Variants in GFPT1 observed in about 807,000 individuals in gnomAD.
GFPT1 encodes glutamine--fructose-6-phosphate transaminase 1, also known as glutamine--fructose-6-phosphate aminotransferase [isomerizing] 1.
Under a neutral mutation model 92.0 loss-of-function variants are expected in GFPT1, and 40 were observed. The ratio of observed to expected loss-of-function variants is 0.43; its 90% confidence interval spans 0.34 to 0.57. GFPT1 has a LOEUF of 0.57. Among genes scored for constraint, GFPT1 ranks in the 20% least tolerant of loss-of-function variants. GFPT1 has a pLI of 0.02. For synonymous variants in GFPT1, 269 were observed against 280.6 expected (o/e 0.96, Z 0.41); for missense variants, 448 against 869.1 (o/e 0.52, Z 6.09).
At chr2:69,347,017 C>T (rs946150891) in intron 11 of GFPT1, among the ~76,000 whole-genome samples, 11 of 152,134 alleles carry the variant, frequency 7.2e-5, no homozygotes, top group Non-Finnish European at 1.2e-4. Flanking sequence ...TCAAGTGATT[C>T]TCCCACCTCA....
At chr2:69,344,980 C>T (rs915899744) in intron 12 of GFPT1, among the ~76,000 whole-genome samples, 41 of 152,094 alleles carry the variant, frequency 2.7e-4, no homozygotes, top group Non-Finnish European at 7.4e-5. Flanking sequence ...GTCTCATTTT[C>T]TTCCCTTATA....
rs758339541 is a variant in GFPT1 at position 69,326,247 on chromosome 2, A to T, written c.2056-14T>A. 2 of 1,582,114 alleles carry T rather than the reference A, an allele frequency of 1.3e-6. No individual in the cohort carries two copies. Among genetic ancestry groups the T allele is most frequent in the Non-Finnish European group, 1.7e-6 (2 of 1,158,376 alleles). On this transcript the variant is annotated splice_polypyrimidine_tract_variant and intron_variant, in intron 19 of 19. Transcript: ENST00000357308. ...TGGGAAATCAACCTGCAAAAAGAAA[A>T]AAAAAAAAAGCAAGATTTGAGAGAT...
intron 3 of GFPT1, among the ~76,000 whole-genome samples, chr2:69,365,330 G>A (rs1447837253): frequency 6.6e-6 from 1 of 152,020 alleles, no homozygotes; most frequent in East Asian, 1.9e-4. Flanking sequence ...AAATTAGCTG[G>A]GCGTGGTAGC....
chr2:69,386,819 G>T (rs1479434447), intron 1 of GFPT1, among the ~76,000 whole-genome samples: 1 of 152,052 alleles, frequency 6.6e-6, no homozygotes, highest in Non-Finnish European at 1.5e-5. Context: ...GCGCCAAGGC[G>T]CCCGCTAGCC....
rs2104593681 is a variant in GFPT1, at chr2:69,326,035, T to C, written c.*154A>G. 1 of 593,860 alleles carries C rather than the reference T, an allele frequency of 1.7e-6. No individual in the cohort carries two copies. Among genetic ancestry groups the C allele is most frequent in the East Asian group, 2.8e-5 (1 of 35,466 alleles). The allele number at this position is 593,860 out of a possible 1,614,324, so 36.8% of individuals were successfully genotyped here. On this transcript the variant is annotated 3_prime_UTR_variant, in exon 20 of 20. Transcript: ENST00000357308. Reference sequence around the variant, plus strand: ...AATGTAAGAGGTAACTTCACAAAAATCACATATTGAGTGGAATAATTATAA... The same window carrying C: ...AATGTAAGAGGTAACTTCACAAAAACCACATATTGAGTGGAATAATTATAA...
In GFPT1 at chr2:69,348,444, G is replaced by A. The variant is rs1038655898; in HGVS notation, c.846-110C>T. The A allele has an allele frequency of 1.5e-5, 13 of 894,860 alleles. No individual in the cohort carries two copies. In the East Asian group the frequency reaches 2.9e-4, roughly 20 times the overall value. 55.4% of individuals were successfully genotyped at this position (894,860 alleles called of 1,614,324 possible). ...ATTTCAATATAAACTCTATCACTCT[G>A]CAGTATCTCAGAGAATTTTCTGGTT... On this transcript the variant is annotated intron_variant, in intron 10 of 19. Coordinates refer to ENST00000357308, the MANE Select transcript of GFPT1 (RefSeq NM_001244710.2).
chr2:69,342,053 T>C, intron 13 of GFPT1, 99 bp downstream of exon 13: 3 of 672,920 alleles, frequency 4.5e-6, no homozygotes, highest in East Asian at 2.6e-5. Context: ...GATAACACAT[T>C]AACAAAACAT....
chr2:69,386,822 C>A (rs1293431372), intron 1 of GFPT1, among the ~76,000 whole-genome samples: 2 of 152,172 alleles, frequency 1.3e-5, no homozygotes, highest in Non-Finnish European at 2.9e-5. Context: ...CCAAGGCGCC[C>A]GCTAGCCCCC....
At chr2:69,335,008 T>C (rs1158148772) in intron 15 of GFPT1, among the ~76,000 whole-genome samples, 1 of 151,928 alleles carries the variant, frequency 6.6e-6, no homozygotes, top group Non-Finnish European at 1.5e-5. Flanking sequence ...TAATGTAAAA[T>C]TTTTATTTTT....
chr2:69,359,869 T>C (rs775208516), intron 4 of GFPT1, among the ~76,000 whole-genome samples: 6 of 152,188 alleles, frequency 3.9e-5, no homozygotes, highest in Non-Finnish European at 8.8e-5. Context: ...GAGATCCAAA[T>C]AAGTCATAGA....
chr2:69,354,447 T>G, intron 8 of GFPT1, 42 bp downstream of exon 8: 1 of 1,340,142 alleles, frequency 7.5e-7, no homozygotes, highest in Non-Finnish European at 1.1e-6. Flanking sequence ...AGGAAAATAA[T>G]TCTTCATATC....
At chr2:69,369,757 C>A (rs575216192) in intron 3 of GFPT1, among the ~76,000 whole-genome samples, 1 of 152,330 alleles carries the variant, frequency 6.6e-6, no homozygotes, top group Non-Finnish European at 1.5e-5. Context: ...AGAGCTTACA[C>A]TGAAGGTAAT....
intron 1 of GFPT1, among the ~76,000 whole-genome samples, chr2:69,377,176 C>T (rs1293641484): frequency 4.7e-5 from 6 of 128,280 alleles, no homozygotes; most frequent in African/African-American, 1.9e-4. Flanking sequence ...CCACTGCACT[C>T]TAGCCTGGGC....
chr2:69,329,473 TAAC>T (rs755189669), intron 16 of GFPT1, 49 bp from the exon 17 acceptor site: 158 of 1,381,018 alleles, frequency 1.1e-4, no homozygotes, highest in East Asian at 1.7e-4. Flanking sequence ...ACAAATAAAA[TAAC>T]AATATATTGG....
intron 3 of GFPT1, among the ~76,000 whole-genome samples, chr2:69,364,188 C>G (rs7571096): frequency 6.6e-6 from 1 of 150,880 alleles, no homozygotes; most frequent in Admixed American, 6.6e-5. Flanking sequence ...AGTAAGTTTA[C>G]ACACCTACTA....
At chr2:69,370,709 A>C (rs887029631) in intron 2 of GFPT1, among the ~76,000 whole-genome samples, 5 of 152,224 alleles carry the variant, frequency 3.3e-5, no homozygotes, top group Non-Finnish European at 7.3e-5. Flanking sequence ...TGAACTAAAC[A>C]GTGGTAATGC....
At chr2:69,329,506 A>G in intron 16 of GFPT1, 82 bp from the exon 17 acceptor site, 2 of 1,137,474 alleles carry the variant, frequency 1.8e-6, no homozygotes. Context: ...ACAAAAGACC[A>G]GTGTTTCTAT....
intron 15 of GFPT1, among the ~76,000 whole-genome samples, chr2:69,337,598 G>A (rs866849264): frequency 1.3e-4 from 20 of 152,130 alleles, no homozygotes; most frequent in African/African-American, 3.6e-4. Flanking sequence ...GGCAGTAAGC[G>A]ATAGACAAGG....
rs867155693 is a variant in GFPT1, at chr2:69,329,151, T to C, written c.1725+146A>G. 7 of 786,124 alleles carry C rather than the reference T, an allele frequency of 8.9e-6. No homozygotes were observed. The Middle Eastern group carries it at 1.4e-3, about 156-fold the overall frequency. The allele number at this position is 786,124 out of a possible 1,614,324, so 48.7% of individuals were successfully genotyped here. A position where few individuals can be genotyped will look rare whatever the true frequency, so the allele number is the denominator to read the frequency against. The stretch of plus-strand genomic sequence containing the variant: ...TTCTGAACAGAGTTCTCTGTTGCAC[T>C]TTCTCAAAGTAAACAAACCACAATG... On this transcript the variant is annotated intron_variant, in intron 17 of 19. Transcript: ENST00000357308.
Sources: allele counts gnomAD v4.1 joint callset (sites outside exome capture counted in the v4.1 genomes callset), GRCh38; gene constraint gnomAD v4.1.1; transcripts MANE v1.5; gene names NCBI Gene and HGNC (gene_info 2026-07-23, HGNC 2026-07-21).